The following CPNE4 variants were observed in gnomAD, a reference collection of about 807,000 sequenced individuals.
CPNE4 encodes the protein copine 4.
A neutral mutation model predicts 67.9 loss-of-function variants in CPNE4; 25 were observed. The observed-to-expected ratio is 0.37, with a 90% CI of 0.27 to 0.51. CPNE4 has a LOEUF of 0.51. Among genes scored for constraint, CPNE4 ranks in the 20% least tolerant of loss-of-function variants. The pLI, the probability that CPNE4 is intolerant of heterozygous loss-of-function variation, is 0.93. For missense variants in CPNE4, 464 were observed against 690.8 expected, an observed-to-expected ratio of 0.67 and a Z score of 3.68; for synonymous variants, 242 against 244.9, an observed-to-expected ratio of 0.99 and a Z score of 0.11.
At chr3:131,539,980 T>C (rs899511548) in intron 15 of CPNE4, among the ~76,000 whole-genome samples, 4 of 152,212 alleles carry the variant, frequency 2.6e-5, no homozygotes, top group African/African-American at 9.6e-5. Context: ...AGAATACTAC[T>C]TCTTTTTGAC....
intron 1 of CPNE4, among the ~76,000 whole-genome samples, chr3:131,977,047 G>A (rs765289797): frequency 3.7e-4 from 57 of 152,156 alleles, no homozygotes; most frequent in Middle Eastern, 3.4e-3. Flanking sequence ...TGATCTGCCC[G>A]CCTCAGCCTC....
intron 2 of CPNE4, among the ~76,000 whole-genome samples, chr3:131,756,033 C>A (rs1323482898): frequency 6.6e-6 from 1 of 152,098 alleles, no homozygotes; most frequent in African/African-American, 2.4e-5. Flanking sequence ...TATCCAAGGG[C>A]AGTGCACATC....
chr3:131,579,058 G>T (rs543790749), intron 9 of CPNE4, among the ~76,000 whole-genome samples: 23 of 152,196 alleles, frequency 1.5e-4, no homozygotes, highest in Non-Finnish European at 2.9e-4. Context: ...TGGCTAGAGA[G>T]AAGAAGTCAC....
At chr3:131,923,676 GC>G (rs1170151921) in intron 1 of CPNE4, among the ~76,000 whole-genome samples, 2 of 121,002 alleles carry the variant, frequency 1.7e-5, no homozygotes, top group African/African-American at 6.4e-5. Context: ...CTGCATTCCA[GC>G]CTGGGTGACA....
chr3:131,999,240 G>GAAAAAAAAA (rs2073366807), intron 1 of CPNE4, among the ~76,000 whole-genome samples: 2 of 10,356 alleles, frequency 1.9e-4, no homozygotes, highest in African/African-American at 4.8e-4. Context: ...TTTATCCAAG[G>GAAAAAAAAA]TAAAAAAAAA....
intron 2 of CPNE4, among the ~76,000 whole-genome samples, chr3:131,876,279 TAAATAC>T (rs2087446584): frequency 7.3e-6 from 1 of 137,366 alleles, no homozygotes; most frequent in Non-Finnish European, 1.6e-5. Flanking sequence ...AATAAATAAA[TAAATAC>T]GAATACAACC....
At chr3:131,971,627 A>T (rs1468552705) in intron 1 of CPNE4, among the ~76,000 whole-genome samples, 2 of 152,170 alleles carry the variant, frequency 1.3e-5, no homozygotes, top group African/African-American at 4.8e-5. Context: ...TTGGCCCTTC[A>T]GTTGCACTCT....
intron 2 of CPNE4, among the ~76,000 whole-genome samples, chr3:131,740,385 T>C (rs1437564185): frequency 6.6e-6 from 1 of 152,220 alleles, no homozygotes; most frequent in African/African-American, 2.4e-5. Context: ...TGAACATCTT[T>C]TGAGGCAGCT....
chr3:131,940,814 G>A (rs576579844), intron 1 of CPNE4, among the ~76,000 whole-genome samples: 23 of 152,098 alleles, frequency 1.5e-4, no homozygotes, highest in African/African-American at 2.6e-4. Flanking sequence ...TGGAGATGTC[G>A]GTGTCTTTCT....
At chr3:132,002,072 C>T (rs909614972) in intron 1 of CPNE4, among the ~76,000 whole-genome samples, 7 of 152,082 alleles carry the variant, frequency 4.6e-5, no homozygotes, top group Non-Finnish European at 8.8e-5. Context: ...GACCCAGTAG[C>T]GCCAGCTAAT....
At chr3:131,785,687 C>G (rs1178434057) in intron 2 of CPNE4, among the ~76,000 whole-genome samples, 1 of 151,558 alleles carries the variant, frequency 6.6e-6, no homozygotes, top group Non-Finnish European at 1.5e-5. Context: ...CTCTCTCTCT[C>G]TCTCTCTCTC....
chr3:131,973,462 G>A (rs2072556606), intron 1 of CPNE4, among the ~76,000 whole-genome samples: 1 of 152,210 alleles, frequency 6.6e-6, no homozygotes, highest in South Asian at 2.1e-4. Context: ...GATCAGGCAT[G>A]ATTCTAAGTG....
chr3:131,940,813 C>T (rs1331636270), intron 1 of CPNE4, among the ~76,000 whole-genome samples: 1 of 152,034 alleles, frequency 6.6e-6, no homozygotes, highest in Non-Finnish European at 1.5e-5. Context: ...ATGGAGATGT[C>T]GGTGTCTTTC....
At chr3:131,604,969 C>T (rs1277484522) in intron 7 of CPNE4, among the ~76,000 whole-genome samples, 1 of 152,084 alleles carries the variant, frequency 6.6e-6, no homozygotes, top group Non-Finnish European at 1.5e-5. Flanking sequence ...ATACAGACTG[C>T]GTTTAAATTA....
chr3:131,779,099 G>T (rs767771737), intron 2 of CPNE4, among the ~76,000 whole-genome samples: 3 of 151,856 alleles, frequency 2.0e-5, no homozygotes, highest in Non-Finnish European at 2.9e-5. Context: ...GCCACAAAAA[G>T]AATAAAATAC....
At chr3:131,779,861 T>C (rs558029968) in intron 2 of CPNE4, among the ~76,000 whole-genome samples, 17 of 152,156 alleles carry the variant, frequency 1.1e-4, no homozygotes, top group South Asian at 2.1e-4. Flanking sequence ...ACTAAAGAAC[T>C]TCTGTACAAC....
At chr3:131,897,941 A>C (rs2088400455) in intron 2 of CPNE4, among the ~76,000 whole-genome samples, 1 of 151,982 alleles carries the variant, frequency 6.6e-6, no homozygotes, top group African/African-American at 2.4e-5. Context: ...AATATAGATG[A>C]GCCCAATTTG....
chr3:131,762,887 A>C (rs1055564983), intron 2 of CPNE4, among the ~76,000 whole-genome samples: 2 of 149,798 alleles, frequency 1.3e-5, no homozygotes, highest in African/African-American at 2.5e-5. Context: ...CAATATTGCA[A>C]TTAAAGCTTA....
chr3:131,951,291 A>G (rs2071712739), intron 1 of CPNE4, among the ~76,000 whole-genome samples: 1 of 152,056 alleles, frequency 6.6e-6, no homozygotes, highest in African/African-American at 2.4e-5. Context: ...TCATTTTCTA[A>G]TTGATTACTG....
Sources: allele counts gnomAD v4.1 joint callset (sites outside exome capture counted in the v4.1 genomes callset), GRCh38; gene constraint gnomAD v4.1.1; transcripts MANE v1.5; gene names NCBI Gene and HGNC (gene_info 2026-07-23, HGNC 2026-07-21).